The following ITPR2 variants were observed in gnomAD, a reference collection of about 807,000 sequenced individuals.
ITPR2 encodes inositol 1,4,5-trisphosphate-gated calcium channel ITPR2.
In ITPR2, 207 loss-of-function variants were observed where a neutral mutation model predicts 317.1. That is an observed-to-expected ratio of 0.65 (90% confidence interval 0.58 to 0.73). ITPR2 has a LOEUF of 0.73. ITPR2 is among the 30% of genes least tolerant of loss of function. ITPR2 has a pLI of 0.00. For missense variants in ITPR2, 2,613 were observed against 3,284.0 expected (o/e 0.80, Z 4.99); for synonymous variants, 1,156 against 1,149.1 (o/e 1.01, Z -0.12).
intron 22 of ITPR2, among the ~76,000 whole-genome samples, chr12:26,629,216 G>A (rs921281337): frequency 2.0e-5 from 3 of 152,152 alleles, no homozygotes; most frequent in African/African-American, 4.8e-5. Flanking sequence ...CTGCACTTCC[G>A]CTCTTGCCTC....
At chr12:26,820,852 A>C (rs976305295) in intron 1 of ITPR2, among the ~76,000 whole-genome samples, 1 of 152,248 alleles carries the variant, frequency 6.6e-6, no homozygotes, top group East Asian at 1.9e-4. Flanking sequence ...GAAAACATTA[A>C]GTAAAACAAG....
At chr12:26,604,366 TTC>T (rs1946074845) in intron 26 of ITPR2, among the ~76,000 whole-genome samples, 1 of 152,172 alleles carries the variant, frequency 6.6e-6, no homozygotes, top group African/African-American at 2.4e-5. Flanking sequence ...CAAAGACACT[TTC>T]TCTTTTCCAT....
Position 26,483,634 on chromosome 12 carries a change from A to C in ITPR2, c.6012+64T>G, listed in dbSNP as rs145986257. On this transcript the variant is annotated intron_variant, in intron 42 of 56. Transcript: ENST00000381340. Reference sequence around the variant, plus strand: ...AAGAAGAAAGATCTTTCAAGTGCACACAAAGATTGGCTCCTTCCCCAAATT... The same window carrying C: ...AAGAAGAAAGATCTTTCAAGTGCACCCAAAGATTGGCTCCTTCCCCAAATT... 5 of 1,192,340 alleles carry C rather than the reference A, an allele frequency of 4.2e-6. No individual in the cohort carries two copies. In the South Asian group the frequency reaches 6.2e-5, roughly 15 times the overall value. 73.9% of individuals were successfully genotyped at this position (1,192,340 alleles called of 1,614,324 possible). A position where few individuals can be genotyped will look rare whatever the true frequency, so the allele number is the denominator to read the frequency against.
At chr12:26,762,680 G>A (rs181578817) in intron 2 of ITPR2, among the ~76,000 whole-genome samples, 2 of 152,272 alleles carry the variant, frequency 1.3e-5, no homozygotes, top group Admixed American at 6.5e-5. Context: ...ATCATCTACT[G>A]TAATGGTGAT....
At chr12:26,646,177 C>T (rs141264770) in intron 21 of ITPR2, among the ~76,000 whole-genome samples, 2 of 152,116 alleles carry the variant, frequency 1.3e-5, no homozygotes, top group East Asian at 3.9e-4. Flanking sequence ...AGATTACATA[C>T]TAATCTTCAA....
intron 34 of ITPR2, among the ~76,000 whole-genome samples, chr12:26,565,147 A>T (rs750886402): frequency 9.2e-5 from 14 of 152,202 alleles, no homozygotes; most frequent in Non-Finnish European, 1.5e-5. Flanking sequence ...TTCTTCAATG[A>T]ACCCCCTATG....
chr12:26,342,207 T>C (rs370588788), intron 55 of ITPR2, among the ~76,000 whole-genome samples: 64 of 152,044 alleles, frequency 4.2e-4, no homozygotes, highest in African/African-American at 1.4e-3. Flanking sequence ...GGAAGATCAA[T>C]AGAGTGGTGG....
chr12:26,504,913 A>G (rs545023085), intron 37 of ITPR2, among the ~76,000 whole-genome samples: 3 of 152,356 alleles, frequency 2.0e-5, no homozygotes, highest in Admixed American at 2.0e-4. Context: ...GCCTCACCGT[A>G]ACACACAACT....
At chr12:26,795,782 A>G (rs941390724) in intron 1 of ITPR2, among the ~76,000 whole-genome samples, 1 of 152,136 alleles carries the variant, frequency 6.6e-6, no homozygotes, top group African/African-American at 2.4e-5. Context: ...TCAGGAGTTC[A>G]AGACCAGCAT....
intron 55 of ITPR2, among the ~76,000 whole-genome samples, chr12:26,363,286 C>A (rs1938898157): frequency 6.6e-6 from 1 of 152,138 alleles, no homozygotes; most frequent in Non-Finnish European, 1.5e-5. Flanking sequence ...CTCCCATCAC[C>A]CCCAGATGGG....
At chr12:26,775,961 C>CACATACATATATATATATATA (rs1555189746) in intron 2 of ITPR2, among the ~76,000 whole-genome samples, 1 of 65,654 alleles carries the variant, frequency 1.5e-5, no homozygotes, top group Non-Finnish European at 3.9e-5. Flanking sequence ...TATGTATATC[C>CACATACATATATATATATATA]TATTAGTTCT....
intron 52 of ITPR2, among the ~76,000 whole-genome samples, chr12:26,410,063 C>T (rs1189504595): frequency 6.6e-6 from 1 of 152,072 alleles, no homozygotes; most frequent in Non-Finnish European, 1.5e-5. Flanking sequence ...CTCCAGTATC[C>T]AGAACAAGAC....
intron 35 of ITPR2, among the ~76,000 whole-genome samples, chr12:26,557,399 G>C (rs1051901011): frequency 6.6e-6 from 1 of 152,142 alleles, no homozygotes; most frequent in Admixed American, 6.6e-5. Flanking sequence ...TCCCATTTCC[G>C]CCTGTAGCAA....
intron 13 of ITPR2, among the ~76,000 whole-genome samples, chr12:26,677,775 A>G (rs1420123119): frequency 1.3e-5 from 2 of 152,214 alleles, no homozygotes; most frequent in South Asian, 2.1e-4. Context: ...AAAAAGAGAC[A>G]TCAGGCATTT....
intron 18 of ITPR2, among the ~76,000 whole-genome samples, chr12:26,657,149 T>C (rs1245397159): frequency 1.3e-5 from 2 of 152,238 alleles, no homozygotes; most frequent in African/African-American, 4.8e-5. Context: ...TGGGTTTCTA[T>C]ACCTGCAACT....
chr12:26,656,189 A>G (rs1947364129), intron 19 of ITPR2, 108 bp downstream of exon 19: 1 of 1,380,408 alleles, frequency 7.2e-7, no homozygotes. Flanking sequence ...ACAACCCAAG[A>G]CAGGATACAC....
chr12:26,506,777 T>C (rs999395669), intron 37 of ITPR2, among the ~76,000 whole-genome samples: 1 of 152,134 alleles, frequency 6.6e-6, no homozygotes, highest in East Asian at 1.9e-4. Flanking sequence ...TCTACTGCAA[T>C]AGGATTTTCG....
intron 9 of ITPR2, among the ~76,000 whole-genome samples, chr12:26,710,169 G>C (rs1166352645): frequency 6.6e-6 from 1 of 152,198 alleles, no homozygotes; most frequent in Non-Finnish European, 1.5e-5. Context: ...GGGAGGCATA[G>C]GTTGAGTGCA....
At chr12:26,776,783 T>C (rs1282532469) in intron 2 of ITPR2, among the ~76,000 whole-genome samples, 1 of 152,154 alleles carries the variant, frequency 6.6e-6, no homozygotes, top group Non-Finnish European at 1.5e-5. Context: ...AAGGACCCCT[T>C]AGGCAGTTGC....
Sources: allele counts gnomAD v4.1 joint callset (sites outside exome capture counted in the v4.1 genomes callset), GRCh38; gene constraint gnomAD v4.1.1; transcripts MANE v1.5; gene names NCBI Gene and HGNC (gene_info 2026-07-23, HGNC 2026-07-21).